The following CADM2 variants were observed in gnomAD, a reference collection of about 807,000 sequenced individuals.
The protein encoded by CADM2 is cell adhesion molecule 2, also known as immunoglobulin superfamily member 4D.
CADM2 carries 12 observed loss-of-function variants against 49.8 expected under a neutral mutation model. That is an observed-to-expected ratio of 0.24 (90% CI 0.15 to 0.39). CADM2 has a LOEUF of 0.39. Ranked by LOEUF, CADM2 falls within the 10% of genes least tolerant of loss-of-function variation. The pLI, the probability that CADM2 is intolerant of heterozygous loss-of-function variation, is 1.00. For synonymous variants in CADM2, 214 were observed against 175.4 expected (o/e 1.22, Z -1.74); for missense variants, 378 against 492.3 (o/e 0.77, Z 2.20).
At chr3:85,689,924 G>A (rs1204358686) in intron 1 of CADM2, among the ~76,000 whole-genome samples, 2 of 152,034 alleles carry the variant, frequency 1.3e-5, no homozygotes, top group Non-Finnish European at 2.9e-5. Flanking sequence ...CAACAGAAAG[G>A]AAAAAACAGG....
chr3:85,601,735 C>G (rs2063413471), intron 1 of CADM2, among the ~76,000 whole-genome samples: 1 of 150,972 alleles, frequency 6.6e-6, no homozygotes, highest in Admixed American at 6.6e-5. Flanking sequence ...CTATACTTCT[C>G]TTTTGGAATT....
intron 1 of CADM2, among the ~76,000 whole-genome samples, chr3:85,608,294 C>A (rs1335171553): frequency 6.6e-6 from 1 of 152,058 alleles, no homozygotes; most frequent in African/African-American, 2.4e-5. Flanking sequence ...AAGGAATATT[C>A]TCTTAAATAG....
chr3:85,276,261 T>C (rs2043355012), intron 1 of CADM2, among the ~76,000 whole-genome samples: 2 of 151,312 alleles, frequency 1.3e-5, no homozygotes, highest in African/African-American at 4.8e-5. Flanking sequence ...ATTCTGTCCA[T>C]TTCCATATGA....
At chr3:85,551,663 T>C (rs1289981505) in intron 1 of CADM2, among the ~76,000 whole-genome samples, 1 of 152,174 alleles carries the variant, frequency 6.6e-6, no homozygotes, top group African/African-American at 2.4e-5. Context: ...ACTGAGTGCA[T>C]TATCCATGAA....
intron 1 of CADM2, among the ~76,000 whole-genome samples, chr3:85,090,481 A>G (rs537562112): frequency 5.9e-5 from 9 of 152,254 alleles, no homozygotes; most frequent in Non-Finnish European, 1.2e-4. Context: ...TTTTCTATGC[A>G]CTAATAATAA....
At chr3:85,518,433 T>G in intron 1 of CADM2, among the ~76,000 whole-genome samples, 1 of 152,152 alleles carries the variant, frequency 6.6e-6, no homozygotes, top group East Asian at 1.9e-4. Flanking sequence ...TTTTTTTTTT[T>G]TTTAAATCAA....
In CADM2 at chr3:85,761,367, C is replaced by CTTTTTTTT. The variant is rs529447125; in HGVS notation, c.88+34835_88+34842dup. On this transcript the variant is annotated intron_variant, in intron 2 of 9. Transcript: ENST00000383699. Reference sequence around the variant, plus strand: ...AAAACTGTTGATATACAACACAAAACTTTTTTTTTTTTTTTTTTTTTTTGG... The same window carrying CTTTTTTTT: ...AAAACTGTTGATATACAACACAAAACTTTTTTTTTTTTTTTTTTTTTTTTTTTTTTTGG... Among the ~76,000 whole-genome samples, 881 of 101,130 alleles carry CTTTTTTTT rather than the reference C, an allele frequency of 8.7e-3. 97 individuals are homozygous for CTTTTTTTT. Among genetic ancestry groups the CTTTTTTTT allele is most frequent in the African/African-American group, 0.041 (859 of 20,910 alleles). The allele number at this position is 101,130 out of a possible 152,430, so 66.3% of individuals were successfully genotyped here.
At chr3:85,365,183 TTTTTTTTTTTTTTTAC>T (rs1044423052) in intron 1 of CADM2, among the ~76,000 whole-genome samples, 1 of 62,404 alleles carries the variant, frequency 1.6e-5, no homozygotes, top group African/African-American at 6.9e-5. Flanking sequence ...ATTGGGAGGG[TTTTTTTTTTTTTTTAC>T]TTTTTTTTTT....
At chr3:85,473,793 A>G (rs958504010) in intron 1 of CADM2, among the ~76,000 whole-genome samples, 1 of 152,100 alleles carries the variant, frequency 6.6e-6, no homozygotes, top group African/African-American at 2.4e-5. Flanking sequence ...GTAGGTTCAT[A>G]TATTGAAAAT....
chr3:85,757,408 C>A (rs2069171785), intron 2 of CADM2, among the ~76,000 whole-genome samples: 1 of 151,912 alleles, frequency 6.6e-6, no homozygotes, highest in Non-Finnish European at 1.5e-5. Context: ...ATTGAGGAGT[C>A]CCAATACTTT....
intron 5 of CADM2, among the ~76,000 whole-genome samples, chr3:85,894,694 T>C (rs1410614450): frequency 6.6e-6 from 1 of 152,188 alleles, no homozygotes; most frequent in African/African-American, 2.4e-5. Flanking sequence ...GTCCAGGGAC[T>C]TCTTCTGTGT....
intron 1 of CADM2, among the ~76,000 whole-genome samples, chr3:85,675,523 G>C (rs1559586016): frequency 6.6e-6 from 1 of 152,132 alleles, no homozygotes; most frequent in African/African-American, 2.4e-5. Context: ...TAAGTGATCT[G>C]TATGGGTACT....
At chr3:85,232,684 A>T (rs1331683516) in intron 1 of CADM2, among the ~76,000 whole-genome samples, 1 of 152,190 alleles carries the variant, frequency 6.6e-6, no homozygotes, top group Non-Finnish European at 1.5e-5. Context: ...ACCCTATATT[A>T]TTAGGGAATT....
rs1231975921 is a variant in CADM2 at position 85,318,557 on chromosome 3, A to G, written c.61+358889A>G. On this transcript the variant is annotated intron_variant, in intron 1 of 9. Coordinates refer to ENST00000383699, the MANE Select transcript of CADM2 (RefSeq NM_001167675.2). ...TAAAAGATAGATTACCTACAAAGAA[A>G]CAAGGTCCAAACTAATAGTACATTT... Among the ~76,000 whole-genome samples, 3 of 152,202 alleles carry G rather than the reference A, an allele frequency of 2.0e-5. No homozygotes were observed. The East Asian group carries it at 5.8e-4, about 29-fold the overall frequency.
chr3:85,597,367 A>G (rs566149587), intron 1 of CADM2, among the ~76,000 whole-genome samples: 5 of 152,180 alleles, frequency 3.3e-5, no homozygotes, highest in African/African-American at 9.6e-5. Context: ...GTGCTTGTCT[A>G]GATAGATTCA....
chr3:85,834,210 A>G (rs565594708), intron 3 of CADM2, among the ~76,000 whole-genome samples: 1 of 151,780 alleles, frequency 6.6e-6, no homozygotes, highest in East Asian at 1.9e-4. Flanking sequence ...TTAAAAAGAG[A>G]AAAAAATTAT....
chr3:85,335,057 A>G (rs1262355870), intron 1 of CADM2, among the ~76,000 whole-genome samples: 1 of 151,550 alleles, frequency 6.6e-6, no homozygotes, highest in African/African-American at 2.4e-5. Flanking sequence ...TATACTAAAA[A>G]AAAAGATACT....
intron 1 of CADM2, among the ~76,000 whole-genome samples, chr3:85,698,274 G>C (rs2066632182): frequency 6.6e-6 from 1 of 152,246 alleles, no homozygotes; most frequent in African/African-American, 2.4e-5. Context: ...CAGTGCATCA[G>C]GACCTCTACA....
chr3:84,969,798 T>C (rs984352042), intron 1 of CADM2, among the ~76,000 whole-genome samples: 1 of 151,932 alleles, frequency 6.6e-6, no homozygotes, highest in African/African-American at 2.4e-5. Flanking sequence ...TCAATTCAAA[T>C]TTGCACTGTA....
Sources: allele counts gnomAD v4.1 joint callset (sites outside exome capture counted in the v4.1 genomes callset), GRCh38; gene constraint gnomAD v4.1.1; transcripts MANE v1.5; gene names NCBI Gene and HGNC (gene_info 2026-07-23, HGNC 2026-07-21).